UBE2F: variants seen among roughly 807,000 people sequenced by gnomAD.
UBE2F encodes ubiquitin conjugating enzyme E2 F (putative), also known as NEDD8-conjugating enzyme UBE2F.
Under a neutral mutation model 29.6 loss-of-function variants are expected in UBE2F, and 5 were observed. The observed-to-expected ratio is 0.17, with a 90% CI of 0.09 to 0.36. UBE2F has a LOEUF of 0.36. UBE2F is among the 10% of genes least tolerant of loss of function. UBE2F has a pLI of 1.00. For missense variants in UBE2F, 141 were observed against 228.5 expected (o/e 0.62, Z 2.47); for synonymous variants, 66 against 81.8 (o/e 0.81, Z 1.04).
intron 2 of UBE2F, among the ~76,000 whole-genome samples, chr2:237,976,977 A>G (rs532701791): frequency 6.6e-6 from 1 of 152,234 alleles, no homozygotes; most frequent in East Asian, 1.9e-4. Context: ...GCAGAAACCA[A>G]AGTAGCAGAA....
chr2:238,017,802 A>G (rs1172521938), intron 5 of UBE2F, among the ~76,000 whole-genome samples: 1 of 152,158 alleles, frequency 6.6e-6, no homozygotes, highest in Non-Finnish European at 1.5e-5. Flanking sequence ...CACTCCCATC[A>G]TGAGGATGTG....
intron 2 of UBE2F, among the ~76,000 whole-genome samples, chr2:237,979,512 G>A (rs1576592428): frequency 6.6e-6 from 1 of 152,234 alleles, no homozygotes; most frequent in East Asian, 1.9e-4. Flanking sequence ...GGCTCAGGGT[G>A]TGGCATGCCA....
At chr2:238,031,111 G>C (rs1456834225) in intron 7 of UBE2F, among the ~76,000 whole-genome samples, 1 of 152,262 alleles carries the variant, frequency 6.6e-6, no homozygotes, top group East Asian at 1.9e-4. Flanking sequence ...GAACACTGCA[G>C]ACTGCATGCA....
chr2:238,032,541 G>T, intron 8 of UBE2F: 1 of 333,684 alleles, frequency 3.0e-6, no homozygotes, highest in South Asian at 4.0e-5. Flanking sequence ...CTTGAGCCCA[G>T]GAGGCAGAGG....
chr2:237,971,037 A>G (rs2063167455), intron 1 of UBE2F, among the ~76,000 whole-genome samples: 1 of 152,256 alleles, frequency 6.6e-6, no homozygotes, highest in Non-Finnish European at 1.5e-5. Context: ...GGTACAAACA[A>G]TAGAAAATAA....
chr2:237,990,310 C>G (rs2063558844), intron 3 of UBE2F: 1 of 407,980 alleles, frequency 2.5e-6, no homozygotes, highest in Non-Finnish European at 4.8e-6. Context: ...GGACATTTTC[C>G]TAATAAAAAT....
intron 4 of UBE2F, among the ~76,000 whole-genome samples, chr2:238,014,086 G>C (rs1259527450): frequency 2.0e-5 from 3 of 152,220 alleles, no homozygotes; most frequent in Non-Finnish European, 2.9e-5. Context: ...TACTCCCAGA[G>C]CCAGGTGTAG....
intron 6 of UBE2F, among the ~76,000 whole-genome samples, chr2:238,027,784 C>G (rs921727252): frequency 6.6e-6 from 1 of 152,336 alleles, no homozygotes; most frequent in African/African-American, 2.4e-5. Flanking sequence ...GTGACGCTGA[C>G]AGCAGCTCAT....
intron 5 of UBE2F, among the ~76,000 whole-genome samples, chr2:238,022,354 A>T (rs2064316411): frequency 6.6e-6 from 1 of 152,060 alleles, no homozygotes; most frequent in Non-Finnish European, 1.5e-5. Context: ...AGCTGCTATT[A>T]TGTCCTTTGC....
intron 2 of UBE2F, among the ~76,000 whole-genome samples, chr2:237,974,788 T>C (rs975520677): frequency 6.6e-6 from 1 of 152,092 alleles, no homozygotes; most frequent in African/African-American, 2.4e-5. Context: ...GTGCTAGGAT[T>C]ACAAGCATGA....
intron 6 of UBE2F, 55 bp downstream of exon 6, chr2:238,025,467 T>C (rs1316253883): frequency 2.0e-6 from 3 of 1,490,294 alleles, no homozygotes; most frequent in African/African-American, 2.8e-5. Flanking sequence ...GTGCAAGCGT[T>C]GGGCTTTTAA....
intron 9 of UBE2F, among the ~76,000 whole-genome samples, chr2:238,039,615 C>G (rs541909955): frequency 1.3e-5 from 2 of 152,330 alleles, no homozygotes; most frequent in Non-Finnish European, 2.9e-5. Flanking sequence ...GGAGGCAGAG[C>G]CCAGGACTTG....
intron 5 of UBE2F, 63 bp downstream of exon 5, chr2:238,016,696 C>G: frequency 1.4e-6 from 2 of 1,431,858 alleles, no homozygotes; most frequent in Non-Finnish European, 1.9e-6. Context: ...TGGCTGTGGC[C>G]CGCCACTGGC....
chr2:238,029,012 A>G (rs2064503644), intron 6 of UBE2F: 1 of 152,166 alleles, frequency 6.6e-6, no homozygotes, highest in Non-Finnish European at 1.5e-5. Context: ...GGAAAATGCT[A>G]ATCTTCTCTG....
chr2:237,987,267 CAGGGCAGTCTTT>C (rs2063497546), intron 2 of UBE2F, among the ~76,000 whole-genome samples: 1 of 152,186 alleles, frequency 6.6e-6, no homozygotes, highest in East Asian at 1.9e-4. Context: ...TGGGGAAGGG[CAGGGCAGTCTTT>C]AGGGCTTTCT....
chr2:238,008,990 A>G (rs189574116), intron 4 of UBE2F, among the ~76,000 whole-genome samples: 2 of 152,266 alleles, frequency 1.3e-5, no homozygotes, highest in East Asian at 3.9e-4. Context: ...TTTGCTTGTG[A>G]TGAATTCTGT....
intron 4 of UBE2F, among the ~76,000 whole-genome samples, chr2:238,007,103 G>A (rs191736812): frequency 5.3e-5 from 8 of 151,550 alleles, no homozygotes; most frequent in Admixed American, 3.3e-4. Context: ...TCATCATTAC[G>A]TGTATGGTTT....
chr2:237,976,077 A>G (rs896137638), intron 2 of UBE2F, among the ~76,000 whole-genome samples: 2 of 152,248 alleles, frequency 1.3e-5, no homozygotes, highest in Non-Finnish European at 2.9e-5. Context: ...AGAATAGTAG[A>G]TTGTATTCAG....
At chr2:238,031,228 C>T (rs2064568394) in intron 7 of UBE2F, among the ~76,000 whole-genome samples, 1 of 152,246 alleles carries the variant, frequency 6.6e-6, no homozygotes, top group Admixed American at 6.5e-5. Flanking sequence ...CCTCTCAGAA[C>T]TTTCCCTCTG....
Sources: allele counts gnomAD v4.1 joint callset (sites outside exome capture counted in the v4.1 genomes callset), GRCh38; gene constraint gnomAD v4.1.1; transcripts MANE v1.5; gene names NCBI Gene and HGNC (gene_info 2026-07-23, HGNC 2026-07-21).